The following SH2B3 variants were observed in gnomAD, a reference collection of about 807,000 sequenced individuals.
SH2B3 encodes the protein SH2B adapter protein 3.
A neutral mutation model predicts 51.9 loss-of-function variants in SH2B3; 43 were observed. The observed-to-expected ratio is 0.83, with a 90% CI of 0.65 to 1.07. The LOEUF is 1.07. SH2B3 is among the 50% of genes least tolerant of loss of function. The pLI is 0.00. For synonymous variants in SH2B3, 396 were observed against 376.0 expected (o/e 1.05, Z -0.62); for missense variants, 952 against 834.3 (o/e 1.14, Z -1.74).
In SH2B3 at chr12:111,447,367, GAAGAC is replaced by G; in HGVS notation, c.1060_1064del (p.Lys354GlyfsTer29). The G allele has an allele frequency of 6.2e-7, 1 of 1,614,096 alleles. No homozygotes were observed. The highest frequency in any genetic ancestry group is 8.5e-7 in the Non-Finnish European group (1 of 1,180,010). ...GGGGGCTGCTGGACCCGGCCTGCCA[GAAGAC>G]GGACCATTTCCTGTCCTGCTACCCC... On this transcript the variant is annotated frameshift_variant, in exon 6 of 8. Transcript: ENST00000341259. LOFTEE classifies it high-confidence loss of function.
chr12:111,418,368 T>C lies in SH2B3; in HGVS notation c.223T>C (p.Phe75Leu), dbSNP rs1276136474. Reference protein sequence around the residue: ...LQFTDLFQRYFCREVRDGRAP... With the variant: ...LQFTDLFQRYLCREVRDGRAP... ...GTTCACCGACCTCTTCCAGCGCTACTTCTGCCGCGAGGTGCGCGACGGACG... is the reference window on the plus strand; with the variant it reads ...GTTCACCGACCTCTTCCAGCGCTACCTCTGCCGCGAGGTGCGCGACGGACG... The change falls in exon 2 of 8, where the codon TTC (phenylalanine) becomes CTC (leucine). Residue 75 changes from phenylalanine (F) to leucine (L), a missense_variant. Transcript: ENST00000341259. The surrounding 1 kb of genome is among the most constrained non-coding windows in gnomAD (Gnocchi z 6.7). 3 of 1,518,958 alleles carry C rather than the reference T, an allele frequency of 2.0e-6. No homozygotes were observed. The highest frequency in any genetic ancestry group is 1.8e-6 in the Non-Finnish European group (2 of 1,139,220). 94.1% of individuals were successfully genotyped at this position (1,518,958 alleles called of 1,614,324 possible).
intron 3 of SH2B3, 42 bp downstream of exon 3, chr12:111,446,896 C>T: frequency 6.2e-7 from 1 of 1,601,460 alleles, no homozygotes; most frequent in Non-Finnish European, 8.6e-7. Context: ...AATACAAATA[C>T]ATACACATAC....
At position 111,418,448 on chromosome 12, in the gene SH2B3, G is replaced by C; in HGVS notation, c.303G>C (p.Glu101Asp). 1 of 1,411,228 alleles carries C rather than the reference G, an allele frequency of 7.1e-7. No homozygotes were observed. Among genetic ancestry groups the C allele is most frequent in the Non-Finnish European group, 9.2e-7 (1 of 1,088,248 alleles). 87.4% of individuals were successfully genotyped at this position (1,411,228 alleles called of 1,614,324 possible). Residue 101 changes from glutamate to aspartate, a missense_variant, in exon 2 of 8, where the codon GAG (glutamate) becomes GAC (aspartate). Coordinates refer to ENST00000341259, the MANE Select transcript of SH2B3 (RefSeq NM_005475.3). The surrounding 1 kb of genome is among the most constrained non-coding windows in gnomAD (Gnocchi z 6.7). ...DTGRGPPAKA[E>D]ASPEPGPGPA... ...GCCGTGGGCCCCCAGCCAAGGCCGA[G>C]GCGTCCCCGGAGCCAGGCCCCGGCC...
intron 1 of SH2B3, among the ~76,000 whole-genome samples, chr12:111,411,704 G>A (rs1263475363): frequency 6.6e-6 from 1 of 152,158 alleles, no homozygotes; most frequent in Non-Finnish European, 1.5e-5. Context: ...ACCCGGTTGT[G>A]TTCTGAGCTT....
chr12:111,447,853 A>AGGGG, intron 7 of SH2B3, 26 bp downstream of exon 7: 4 of 1,606,874 alleles, frequency 2.5e-6, no homozygotes, highest in Non-Finnish European at 3.4e-6. Context: ...CCTTTGCTGA[A>AGGGG]GGGGGTGGCT....
chr12:111,440,022 G>A (rs765884468), intron 2 of SH2B3, among the ~76,000 whole-genome samples: 8 of 152,200 alleles, frequency 5.3e-5, no homozygotes, highest in Admixed American at 3.9e-4. Flanking sequence ...CATCTGGGGG[G>A]AAGATGGGGG....
intron 1 of SH2B3, among the ~76,000 whole-genome samples, chr12:111,412,455 T>C (rs1402221691): frequency 6.6e-6 from 1 of 152,240 alleles, no homozygotes; most frequent in Non-Finnish European, 1.5e-5. Context: ...GGCCCCCCTG[T>C]GGCTTCCCAT....
rs2135547772 is a variant in SH2B3, at chr12:111,418,393, G to A, written c.248G>A (p.Arg83Gln). ...RYFCREVRDG[R>Q]APGRDYRDTG... is the part of the protein sequence containing the mutation. Reference sequence around the variant, plus strand: ...TTCTGCCGCGAGGTGCGCGACGGACGGGCGCCGGGCCGCGACTACCGGGAC... The same window carrying A: ...TTCTGCCGCGAGGTGCGCGACGGACAGGCGCCGGGCCGCGACTACCGGGAC... The change falls in exon 2 of 8, where the codon CGG (arginine) becomes CAG (glutamine). Residue 83 changes from arginine to glutamine, a missense_variant. Physicochemically the swap from Arg to Gln is conservative, Grantham distance 43. Transcript: ENST00000341259. This position sits in a 1 kb window ranked among gnomAD's most constrained non-coding sequence, Gnocchi z 6.7. The A allele has an allele frequency of 1.3e-6, 2 of 1,498,354 alleles. No individual in the cohort carries two copies. Among genetic ancestry groups the A allele is most frequent in the Non-Finnish European group, 8.8e-7 (1 of 1,130,052 alleles). 92.8% of individuals were successfully genotyped at this position (1,498,354 alleles called of 1,614,324 possible). A position where few individuals can be genotyped will look rare whatever the true frequency, so the allele number is the denominator to read the frequency against.
chr12:111,430,379 G>A (rs1016550657), intron 2 of SH2B3, among the ~76,000 whole-genome samples: 5 of 152,188 alleles, frequency 3.3e-5, no homozygotes, highest in Non-Finnish European at 7.3e-5. Context: ...CAAATTCTGC[G>A]AATCCACAGC....
At chr12:111,445,745 T>TG (rs1411948571) in intron 2 of SH2B3, among the ~76,000 whole-genome samples, 1 of 152,120 alleles carries the variant, frequency 6.6e-6, no homozygotes, top group Non-Finnish European at 1.5e-5. Context: ...CTCCTGCAGG[T>TG]GGGGAAGGGG....
In SH2B3 at chr12:111,447,713, C is replaced by T. The variant is rs1210799367; in HGVS notation, c.1294C>T (p.Pro432Ser). Residue 432 changes from proline to serine, a missense_variant, in exon 7 of 8, where the codon CCC (proline) becomes TCC (serine). By Grantham distance (74) the Pro-to-Ser change is moderately conservative. Coordinates refer to ENST00000341259, the MANE Select transcript of SH2B3 (RefSeq NM_005475.3). ...GQCRVQHLHF[P>S]SVVDMLHHFQ... ...GTGCCGTGTGCAGCACCTCCACTTT[C>T]CCTCGGTCGTGGACATGCTCCACCA... 2.5e-6 allele frequency: 4 copies of T among 1,614,004 alleles called. No homozygotes were observed. The highest frequency in any genetic ancestry group is 2.2e-5 in the South Asian group (2 of 91,088).
rs1871222094 is a variant in SH2B3, at chr12:111,418,194, G to C, written c.49G>C (p.Ala17Pro). 6.4e-7 allele frequency: 1 copy of C among 1,572,192 alleles called. No homozygotes were observed. Among genetic ancestry groups the C allele is most frequent in the South Asian group, 1.2e-5 (1 of 86,956 alleles). The change falls in exon 2 of 8, where the codon GCC (alanine) becomes CCC (proline). Residue 17 changes from alanine to proline, a missense_variant. Coordinates refer to ENST00000341259, the MANE Select transcript of SH2B3 (RefSeq NM_005475.3). This position sits in a 1 kb window ranked among gnomAD's most constrained non-coding sequence, Gnocchi z 6.7. ...QPSSPSSAPS[A>P]SPAAAPRGWS... ...CTCCTCGCCCTCTTCCGCGCCCTCAGCCTCCCCGGCGGCGGCCCCGCGGGG... is the reference window on the plus strand; with the variant it reads ...CTCCTCGCCCTCTTCCGCGCCCTCACCCTCCCCGGCGGCGGCCCCGCGGGG...
chr12:111,415,271 C>T (rs574598613), intron 1 of SH2B3, among the ~76,000 whole-genome samples: 1 of 152,326 alleles, frequency 6.6e-6, no homozygotes, highest in African/African-American at 2.4e-5. Flanking sequence ...CATTTCTTCT[C>T]CATCTTGAAG....
At position 111,447,506 on chromosome 12, in the gene SH2B3, GAAT is replaced by G; in HGVS notation, c.1200_1202del (p.Glu400_Tyr401delinsAsp). The G allele has an allele frequency of 6.7e-7, 1 of 1,488,998 alleles. No homozygotes were observed. Among genetic ancestry groups the G allele is most frequent in the Non-Finnish European group, 9.1e-7 (1 of 1,096,140 alleles). 92.2% of individuals were successfully genotyped at this position (1,488,998 alleles called of 1,614,324 possible). On this transcript the variant is annotated inframe_deletion, in exon 6 of 8. Coordinates refer to ENST00000341259, the MANE Select transcript of SH2B3 (RefSeq NM_005475.3). ...GCGGCAGAGCGAGACGCGGCGTGGGGAATACGTGCTCACTTTCAACTTTCAGGG... is the reference window on the plus strand; with the variant it reads ...GCGGCAGAGCGAGACGCGGCGTGGGGACGTGCTCACTTTCAACTTTCAGGG...
intron 1 of SH2B3, among the ~76,000 whole-genome samples, chr12:111,411,945 G>C (rs1383225171): frequency 1.3e-5 from 2 of 152,128 alleles, no homozygotes; most frequent in Non-Finnish European, 1.5e-5. Context: ...GAGCAGGTGA[G>C]GGGGGTCTCC....
chr12:111,426,986 G>T (rs949421599), intron 2 of SH2B3, among the ~76,000 whole-genome samples: 30 of 152,120 alleles, frequency 2.0e-4, no homozygotes, highest in Admixed American at 1.7e-3. Flanking sequence ...CCTGAGGTGT[G>T]CGTCTCACCT....
chr12:111,424,404 G>C (rs1871818793), intron 2 of SH2B3, among the ~76,000 whole-genome samples: 1 of 152,098 alleles, frequency 6.6e-6, no homozygotes, highest in African/African-American at 2.4e-5. Flanking sequence ...GTTTGTTATG[G>C]TTTTGACTTC....
rs1870345443 is a variant in SH2B3 at position 111,407,547 on chromosome 12, C to T, written c.-28+1270C>T. Among the ~76,000 whole-genome samples, 1 of 152,130 alleles carries T rather than the reference C, an allele frequency of 6.6e-6. No homozygotes were observed. Among genetic ancestry groups the T allele is most frequent in the Non-Finnish European group, 1.5e-5 (1 of 68,026 alleles). Reference sequence around the variant, plus strand: ...CTGGAGGCTCCTCGGGACCTGCCCTCGTGGAGGGAGAGCCGTCAGAGGCCA... The same window carrying T: ...CTGGAGGCTCCTCGGGACCTGCCCTTGTGGAGGGAGAGCCGTCAGAGGCCA... On this transcript the variant is annotated intron_variant, in intron 1 of 7. Transcript: ENST00000341259. This position sits in a 1 kb window ranked among gnomAD's most constrained non-coding sequence, Gnocchi z 4.3.
chr12:111,447,568 T>C (rs1171636888), intron 6 of SH2B3, 24 bp downstream of exon 6: 4 of 258,338 alleles, frequency 1.5e-5, no homozygotes, highest in Non-Finnish European at 2.6e-5. Flanking sequence ...TGGGGTGGGG[T>C]GGGGCAGGCA....
Sources: allele counts gnomAD v4.1 joint callset (sites outside exome capture counted in the v4.1 genomes callset), GRCh38; gene constraint gnomAD v4.1.1; non-coding constraint Gnocchi (gnomAD v3.1); transcripts MANE v1.5; gene names NCBI Gene and HGNC (gene_info 2026-07-23, HGNC 2026-07-21).